The following RBFOX1 variants were observed in gnomAD, a reference collection of about 807,000 sequenced individuals.
The protein encoded by RBFOX1 is RNA binding protein fox-1 homolog 1.
A neutral mutation model predicts 57.7 loss-of-function variants in RBFOX1; 8 were observed. The ratio of observed to expected loss-of-function variants is 0.14; its 90% CI spans 0.08 to 0.25. The LOEUF (loss-of-function observed/expected upper bound fraction) is 0.25, where lower values mean the gene tolerates loss of function less well. Among genes scored for constraint, RBFOX1 ranks in the 10% least tolerant of loss-of-function variants. RBFOX1 has a pLI of 1.00. For synonymous variants in RBFOX1, 326 were observed against 222.4 expected (o/e 1.47, Z -4.15); for missense variants, 611 against 548.5 (o/e 1.11, Z -1.14).
At chr16:6,965,074 G>T (rs1178341830) in intron 3 of RBFOX1, among the ~76,000 whole-genome samples, 1 of 152,038 alleles carries the variant, frequency 6.6e-6, no homozygotes, top group African/African-American at 2.4e-5. Context: ...GGGTGGCAGT[G>T]TTATGTAGCT....
chr16:6,651,811 A>G (rs1436625194), intron 2 of RBFOX1, among the ~76,000 whole-genome samples: 2 of 152,188 alleles, frequency 1.3e-5, no homozygotes, highest in Non-Finnish European at 2.9e-5. Flanking sequence ...CAGCCCAAAT[A>G]TCTATCCACA....
chr16:5,833,875 A>G (rs2056366685), intron 3 of RBFOX1, among the ~76,000 whole-genome samples: 1 of 152,222 alleles, frequency 6.6e-6, no homozygotes, highest in Non-Finnish European at 1.5e-5. Context: ...TGGAAGCAAT[A>G]AAGAATTCGT....
intron 1 of RBFOX1, among the ~76,000 whole-genome samples, chr16:5,326,482 C>A (rs547992091): frequency 3.9e-5 from 6 of 152,288 alleles, no homozygotes; most frequent in African/African-American, 1.4e-4. Context: ...TCAATAATAA[C>A]CTCTTCTGAG....
At chr16:6,878,332 T>C (rs1471289323) in intron 3 of RBFOX1, among the ~76,000 whole-genome samples, 1 of 152,180 alleles carries the variant, frequency 6.6e-6, no homozygotes, top group Non-Finnish European at 1.5e-5. Context: ...TGCTGGAACA[T>C]TTTATTGCTG....
At chr16:7,323,033 T>C (rs1346175912) in intron 4 of RBFOX1, among the ~76,000 whole-genome samples, 1 of 152,118 alleles carries the variant, frequency 6.6e-6, no homozygotes, top group Non-Finnish European at 1.5e-5. Context: ...GCTCTTTGGA[T>C]TTGTATTCCT....
At chr16:6,897,012 C>T (rs2067100588) in intron 3 of RBFOX1, among the ~76,000 whole-genome samples, 1 of 152,184 alleles carries the variant, frequency 6.6e-6, no homozygotes, top group Non-Finnish European at 1.5e-5. Context: ...GGGGACGCAC[C>T]TGTGCAGAGC....
intron 4 of RBFOX1, among the ~76,000 whole-genome samples, chr16:7,282,171 C>G (rs947210779): frequency 1.3e-5 from 2 of 152,156 alleles, no homozygotes; most frequent in Non-Finnish European, 2.9e-5. Context: ...CCGACTAAAG[C>G]GATGTCTGAA....
At chr16:5,730,113 C>T (rs1219357648) in intron 3 of RBFOX1, among the ~76,000 whole-genome samples, 2 of 152,158 alleles carry the variant, frequency 1.3e-5, no homozygotes, top group African/African-American at 4.8e-5. Flanking sequence ...GTCAGTGTGT[C>T]TGGGGAATTT....
At chr16:5,449,849 C>G (rs1046052746) in intron 1 of RBFOX1, among the ~76,000 whole-genome samples, 1 of 152,130 alleles carries the variant, frequency 6.6e-6, no homozygotes, top group East Asian at 1.9e-4. Context: ...TTCAAGTGAT[C>G]GTCCCACCTC....
At chr16:7,272,987 C>G (rs2095357551) in intron 4 of RBFOX1, among the ~76,000 whole-genome samples, 3 of 57,610 alleles carry the variant, frequency 5.2e-5, no homozygotes, top group Admixed American at 4.0e-4. Context: ...CCGTCCCTCC[C>G]TCTCTCCCTT....
At chr16:6,450,839 G>GTATATATATATA (rs1202016714) in intron 2 of RBFOX1, among the ~76,000 whole-genome samples, 2 of 13,602 alleles carry the variant, frequency 1.5e-4, no homozygotes, top group African/African-American at 3.5e-4. Context: ...ATATATATGT[G>GTATATATATATA]TATATATATA....
chr16:7,131,337 CTGTCTT>C (rs1418918828), intron 4 of RBFOX1, among the ~76,000 whole-genome samples: 3 of 112,004 alleles, frequency 2.7e-5, no homozygotes, highest in Admixed American at 1.1e-4. Flanking sequence ...TGCAGCGAGA[CTGTCTT>C]TTTTTTTTTT....
At chr16:5,342,924 G>T (rs187082317) in intron 1 of RBFOX1, among the ~76,000 whole-genome samples, 4 of 152,266 alleles carry the variant, frequency 2.6e-5, no homozygotes, top group African/African-American at 9.6e-5. Context: ...CACAAGCCAA[G>T]ATGAGTTCTA....
intron 4 of RBFOX1, among the ~76,000 whole-genome samples, chr16:7,217,735 T>A (rs1318196538): frequency 6.6e-6 from 1 of 152,214 alleles, no homozygotes; most frequent in Non-Finnish European, 1.5e-5. Context: ...AAGCTTTATT[T>A]ACATCAGTAA....
At chr16:7,078,106 T>C (rs116583184) in intron 4 of RBFOX1, among the ~76,000 whole-genome samples, 1,529 of 152,310 alleles carry the variant, frequency 0.01, 30 homozygotes, top group African/African-American at 0.035. Context: ...CTTTGGCTCA[T>C]GAGAAAGGCT....
At chr16:6,184,025 T>C (rs1008779379) in intron 1 of RBFOX1, among the ~76,000 whole-genome samples, 2 of 152,100 alleles carry the variant, frequency 1.3e-5, no homozygotes, top group Admixed American at 1.3e-4. Context: ...GACCGCACAA[T>C]CGTGCCAGAA....
In RBFOX1 at chr16:6,775,131, C is replaced by G. The variant is rs112686764; in HGVS notation, c.-16+120481C>G. On this transcript the variant is annotated intron_variant, in intron 3 of 15. Transcript: ENST00000550418. ...ACGAGGTCAGGAGATCCAGACCATC[C>G]TGGCGAACATGGTGAAACCCCGTCT... 6.8e-4 allele frequency among the ~76,000 whole-genome samples: 101 copies of G among 149,318 alleles called. 2 individuals are homozygous for G. In the South Asian group the frequency reaches 0.017, roughly 25 times the overall value.
intron 3 of RBFOX1, among the ~76,000 whole-genome samples, chr16:5,704,489 A>G (rs1243366796): frequency 6.6e-6 from 1 of 152,160 alleles, no homozygotes; most frequent in Non-Finnish European, 1.5e-5. Flanking sequence ...GGAGCCAACC[A>G]GGCCCAGCTA....
chr16:7,316,202 AATG>A (rs2096435374), intron 4 of RBFOX1, among the ~76,000 whole-genome samples: 1 of 152,220 alleles, frequency 6.6e-6, no homozygotes, highest in African/African-American at 2.4e-5. Flanking sequence ...TTTTCAAAAT[AATG>A]ATGTCTTTAA....
Sources: allele counts gnomAD v4.1 joint callset (sites outside exome capture counted in the v4.1 genomes callset), GRCh38; gene constraint gnomAD v4.1.1; transcripts MANE v1.5; gene names NCBI Gene and HGNC (gene_info 2026-07-23, HGNC 2026-07-21).